The following DDR2 variants were observed in gnomAD, a reference collection of about 807,000 sequenced individuals.
DDR2 encodes the protein discoidin domain-containing receptor 2.
A neutral mutation model predicts 94.9 loss-of-function variants in DDR2; 27 were observed. The observed-to-expected ratio is 0.28, with a 90% confidence interval of 0.21 to 0.39. The LOEUF is 0.39. DDR2 is among the 10% of genes least tolerant of loss of function. DDR2 has a pLI of 1.00. For synonymous variants in DDR2, 382 were observed against 377.2 expected, an observed-to-expected ratio of 1.01 and a Z score of -0.15; for missense variants, 783 against 1,076.0, an observed-to-expected ratio of 0.73 and a Z score of 3.81.
chr1:162,765,981 T>TCA lies in DDR2; in HGVS notation c.1100-18_1100-17dup. 1 of 1,613,740 alleles carries TCA rather than the reference T, an allele frequency of 6.2e-7. No individual in the cohort carries two copies. Among genetic ancestry groups the TCA allele is most frequent in the Non-Finnish European group, 8.5e-7 (1 of 1,179,936 alleles). ...TGTCTGTCTTCTCCCTGGCTCTGACTCACCCTTGTTTTATAACAGATGCTG... is the reference window on the plus strand; with the variant it reads ...TGTCTGTCTTCTCCCTGGCTCTGACTCACACCCTTGTTTTATAACAGATGCTG... On this transcript the variant is annotated intron_variant, in intron 9 of 17. Transcript: ENST00000367921.
intron 2 of DDR2, among the ~76,000 whole-genome samples, chr1:162,707,156 T>C (rs1459327988): frequency 6.6e-6 from 1 of 152,156 alleles, no homozygotes; most frequent in African/African-American, 2.4e-5. Context: ...TTAGTGTCTG[T>C]ATGTCCCTGG....
chr1:162,679,681 C>T (rs7521233), intron 2 of DDR2, among the ~76,000 whole-genome samples: 105,834 of 152,058 alleles, frequency 0.7, 37,908 homozygotes, highest in Middle Eastern at 0.82. Context: ...CTGGGTCAAA[C>T]GGTAATTCTC....
intron 2 of DDR2, among the ~76,000 whole-genome samples, chr1:162,665,710 G>C (rs1215904310): frequency 1.3e-5 from 2 of 151,972 alleles, no homozygotes; most frequent in African/African-American, 2.4e-5. Context: ...TAGAGATAAA[G>C]GTGAACACTT....
intron 2 of DDR2, among the ~76,000 whole-genome samples, chr1:162,686,199 T>TG (rs1659681216): frequency 9.3e-6 from 1 of 107,962 alleles, no homozygotes; most frequent in South Asian, 3.5e-4. Context: ...CTAATTTTTG[T>TG]ATTTTTTTTT....
chr1:162,649,403 T>A (rs531605259), intron 1 of DDR2, among the ~76,000 whole-genome samples: 1 of 152,232 alleles, frequency 6.6e-6, no homozygotes, highest in South Asian at 2.1e-4. Context: ...GTTGGTAGTG[T>A]CATGCAAAGA....
Position 162,754,689 on chromosome 1 carries a change from A to C in DDR2, c.251A>C (p.Lys84Thr). The change falls in exon 5 of 18, where the codon AAG becomes ACG. Residue 84 changes from lysine to threonine, a missense_variant. Transcript: ENST00000367921. The part of the protein sequence containing the change: ...PEIPVEPDDL[K>T]EFLQIDLHTL... Reference sequence around the variant, plus strand: ...ATTCCAGTGGAACCTGATGACCTGAAGGAGTTTCTGCAGATTGACTTGCAC... The same window carrying C: ...ATTCCAGTGGAACCTGATGACCTGACGGAGTTTCTGCAGATTGACTTGCAC... The C allele has an allele frequency of 6.2e-7, 1 of 1,614,108 alleles. No homozygotes were observed. Among genetic ancestry groups the C allele is most frequent in the Non-Finnish European group, 8.5e-7 (1 of 1,180,000 alleles).
rs185813273 is a variant in DDR2 at position 162,729,487 on chromosome 1, G to T, written c.82+10342G>T. ...TAAAATCAGTGAGGTTTTTTTATGAGCCTAAGTGGGAGGTGATGAGTTGTT... is the reference window on the plus strand; with the variant it reads ...TAAAATCAGTGAGGTTTTTTTATGATCCTAAGTGGGAGGTGATGAGTTGTT... On this transcript the variant is annotated intron_variant, in intron 3 of 17. Transcript: ENST00000367921. 8.3e-3 allele frequency among the ~76,000 whole-genome samples: 1,231 copies of T among 148,008 alleles called. 15 individuals carry two copies. Among genetic ancestry groups the T allele is most frequent in the African/African-American group, 0.029 (1,181 of 40,686 alleles).
intron 7 of DDR2, among the ~76,000 whole-genome samples, chr1:162,758,851 A>G (rs1396998439): frequency 6.6e-6 from 1 of 152,172 alleles, no homozygotes; most frequent in Non-Finnish European, 1.5e-5. Context: ...AATTTGTGTC[A>G]TATCTGCCAG....
chr1:162,753,136 C>T lies in DDR2; in HGVS notation c.124C>T (p.Pro42Ser). The T allele has an allele frequency of 1.9e-6, 3 of 1,613,684 alleles. No individual in the cohort carries two copies. Among genetic ancestry groups the T allele is most frequent in the Non-Finnish European group, 8.5e-7 (1 of 1,179,738 alleles). The change falls in exon 4 of 18, where the codon CCA (proline) becomes TCA (serine). Residue 42 changes from proline (P) to serine (S), a missense_variant. Physicochemically the swap from Pro to Ser is moderately conservative, Grantham distance 74. Transcript: ENST00000367921. ...YPLGMSGGQI[P>S]DEDITASSQW... Reference sequence around the variant, plus strand: ...TCTGGGCATGTCAGGAGGCCAGATTCCAGATGAGGACATCACAGCTTCCAG... The same window carrying T: ...TCTGGGCATGTCAGGAGGCCAGATTTCAGATGAGGACATCACAGCTTCCAG...
chr1:162,666,484 G>A (rs1353083905), intron 2 of DDR2, among the ~76,000 whole-genome samples: 2 of 152,164 alleles, frequency 1.3e-5, no homozygotes, highest in Non-Finnish European at 2.9e-5. Flanking sequence ...AGTGGATGAT[G>A]GATCATTGCT....
chr1:162,762,598 C>T (rs1195724817), intron 9 of DDR2, among the ~76,000 whole-genome samples: 1 of 152,054 alleles, frequency 6.6e-6, no homozygotes, highest in Non-Finnish European at 1.5e-5. Flanking sequence ...GAATTTCTTC[C>T]GAATAGAGTA....
At chr1:162,764,775 C>G (rs998362813) in intron 9 of DDR2, among the ~76,000 whole-genome samples, 1 of 148,550 alleles carries the variant, frequency 6.7e-6, no homozygotes, top group Non-Finnish European at 1.5e-5. Flanking sequence ...TGCAGTGGGT[C>G]GAGATTGCAC....
chr1:162,689,894 T>C lies in DDR2; in HGVS notation c.-27-29143T>C, dbSNP rs551441546. Among the ~76,000 whole-genome samples, 4 of 141,068 alleles carry C rather than the reference T, an allele frequency of 2.8e-5. No homozygotes were observed. In the South Asian group the frequency reaches 9.4e-4, roughly 33 times the overall value. The allele number at this position is 141,068 out of a possible 152,430, so 92.5% of individuals were successfully genotyped here. A position where few individuals can be genotyped will look rare whatever the true frequency, so the allele number is the denominator to read the frequency against. ...AGCCAGGTGTGGTGGTGCATGCCTGTAACCCTAGCTGCTTGGGAGGCTGAG... is the reference window on the plus strand; with the variant it reads ...AGCCAGGTGTGGTGGTGCATGCCTGCAACCCTAGCTGCTTGGGAGGCTGAG... On this transcript the variant is annotated intron_variant, in intron 2 of 17. Transcript: ENST00000367921.
rs1166943879 is a variant in DDR2, at chr1:162,674,661, T to A, written c.-28+19287T>A. On this transcript the variant is annotated intron_variant, in intron 2 of 17. Coordinates refer to ENST00000367921, the MANE Select transcript of DDR2 (RefSeq NM_006182.4). ...CTCTGTTTTATTTTTACCTGTTCTT[T>A]TGGACACACAATTTAGTCAGAAATT... is the stretch of plus-strand genomic sequence containing the variant. Among the ~76,000 whole-genome samples, 6 of 152,342 alleles carry A rather than the reference T, an allele frequency of 3.9e-5. No homozygotes were observed. The East Asian group carries it at 1.2e-3, about 29-fold the overall frequency.
In DDR2 at chr1:162,766,043, C is replaced by G. The variant is rs753466072; in HGVS notation, c.1142C>G (p.Pro381Arg). ...YNNSEALPTS[P>R]MAPTTYDPML... ...AACTCTGAAGCCCTGCCCACCTCTCCTATGGCACCCACAACCTATGGTATA... is the reference window on the plus strand; with the variant it reads ...AACTCTGAAGCCCTGCCCACCTCTCGTATGGCACCCACAACCTATGGTATA... The change falls in exon 10 of 18, where the codon CCT becomes CGT. Residue 381 changes from proline (P) to arginine (R), a missense_variant. Physicochemically the swap from Pro to Arg is moderately radical, Grantham distance 103 (BLOSUM62 -2). Transcript: ENST00000367921. 46 of 1,613,826 alleles carry G rather than the reference C, an allele frequency of 2.9e-5. No individual in the cohort carries two copies. The highest frequency in any genetic ancestry group is 3.7e-5 in the Non-Finnish European group (44 of 1,180,010).
intron 3 of DDR2, among the ~76,000 whole-genome samples, chr1:162,735,649 A>G (rs576770439): frequency 5.3e-5 from 8 of 152,328 alleles, no homozygotes; most frequent in African/African-American, 1.9e-4. Flanking sequence ...CTTTGACACC[A>G]CATAGCAGAG....
chr1:162,666,747 A>C (rs1658592219), intron 2 of DDR2, among the ~76,000 whole-genome samples: 1 of 152,092 alleles, frequency 6.6e-6, no homozygotes, highest in Non-Finnish European at 1.5e-5. Flanking sequence ...ACTAACCTCA[A>C]ATCTCACCAC....
intron 1 of DDR2, among the ~76,000 whole-genome samples, chr1:162,633,390 T>G (rs1656653871): frequency 6.6e-6 from 1 of 152,202 alleles, no homozygotes; most frequent in Non-Finnish European, 1.5e-5. Context: ...AGGCAAGAGT[T>G]CGTACTGTTC....
intron 2 of DDR2, among the ~76,000 whole-genome samples, chr1:162,712,592 G>A (rs980385519): frequency 1.3e-5 from 2 of 151,950 alleles, no homozygotes; most frequent in Non-Finnish European, 2.9e-5. Flanking sequence ...GAGAGCTGGT[G>A]GTCTTTTGTC....
Sources: allele counts gnomAD v4.1 joint callset (sites outside exome capture counted in the v4.1 genomes callset), GRCh38; gene constraint gnomAD v4.1.1; transcripts MANE v1.5; gene names NCBI Gene and HGNC (gene_info 2026-07-23, HGNC 2026-07-21).